Variants in POLR1A observed in about 807,000 individuals in gnomAD.
POLR1A encodes RNA polymerase I subunit A, also known as DNA-directed RNA polymerase I subunit RPA1.
A neutral mutation model predicts 205.3 loss-of-function variants in POLR1A; 84 were observed. That is an observed-to-expected ratio of 0.41 (90% CI 0.34 to 0.49). POLR1A has a LOEUF of 0.49. POLR1A is among the 20% of genes least tolerant of loss of function. The pLI, the probability that POLR1A is intolerant of heterozygous loss-of-function variation, is 0.22. For missense variants in POLR1A, 1,645 were observed against 2,204.5 expected (o/e 0.75, Z 5.08); for synonymous variants, 799 against 863.7 (o/e 0.93, Z 1.31).
chr2:86,083,000 GAAGT>G, intron 7 of POLR1A, 78 bp downstream of exon 7: 1 of 1,038,666 alleles, frequency 9.6e-7, no homozygotes, highest in East Asian at 2.4e-5. Flanking sequence ...CAACTTAAAA[GAAGT>G]AATAAGGCAG....
In POLR1A at chr2:86,031,436, T is replaced by C. The variant is rs34373712; in HGVS notation, c.4472A>G (p.Glu1491Gly). The change falls in exon 30 of 34, where the codon GAG becomes GGG. Residue 1491 changes from glutamate (E) to glycine (G), a missense_variant. Glu to Gly is a moderately conservative substitution (Grantham distance 98, BLOSUM62 -2). Coordinates refer to ENST00000263857, the MANE Select transcript of POLR1A (RefSeq NM_015425.6). ...CTCCATGGCCTCGGGCCCCTGGGGC[T>C]CCTGGCTGTGGGTGGGTTTCCGGGG... ...TQPRKPTHSQEPQGPEAMERR... is the reference protein window; with the variant it reads ...TQPRKPTHSQGPQGPEAMERR... 2,272 of 1,613,996 alleles carry C rather than the reference T, an allele frequency of 1.4e-3. 29 individuals carry two copies. The African/African-American group carries it at 0.027, about 19-fold the overall frequency.
chr2:86,046,294 CACAACAACA>C (rs145452699), intron 19 of POLR1A, among the ~76,000 whole-genome samples: 1 of 151,946 alleles, frequency 6.6e-6, no homozygotes, highest in Admixed American at 6.6e-5. Flanking sequence ...CAAAACAAAA[CACAACAACA>C]ACAACAACAA....
chr2:86,048,948 T>G lies in POLR1A; in HGVS notation c.2570A>C (p.Asp857Ala), dbSNP rs1344925511. Residue 857 changes from aspartate (D) to alanine (A), a missense_variant, in exon 18 of 34, where the codon GAT (aspartate) becomes GCT (alanine). Physicochemically the swap from Asp to Ala is moderately radical, Grantham distance 126. Transcript: ENST00000263857. The part of the protein sequence containing the change: ...QDAHLGKDQR[D>A]FNMIDLKFKE... ...GAACTTCAGATCAATCATGTTAAAATCCCTCTGGTCCTTGCCCAGATGGGC... is the reference window on the plus strand; with the variant it reads ...GAACTTCAGATCAATCATGTTAAAAGCCCTCTGGTCCTTGCCCAGATGGGC... 2 of 1,614,036 alleles carry G rather than the reference T, an allele frequency of 1.2e-6. No individual in the cohort carries two copies. Among genetic ancestry groups the G allele is most frequent in the South Asian group, 2.2e-5 (2 of 91,082 alleles).
In POLR1A at chr2:86,023,554, C is replaced by T. The variant is rs1459136301; in HGVS notation, c.*3869G>A. 2 of 152,136 alleles carry T rather than the reference C, an allele frequency of 1.3e-5. No homozygotes were observed. The highest frequency in any genetic ancestry group is 2.1e-4 in the South Asian group (1 of 4,818). 9.4% of individuals were successfully genotyped at this position (152,136 alleles called of 1,614,324 possible). ...CCAAACCACGAGATGGCACCTCATA[C>T]ACATTAGGGTGGCTACTATTAACAA... On this transcript the variant is annotated 3_prime_UTR_variant, in exon 34 of 34. Coordinates refer to ENST00000263857, the MANE Select transcript of POLR1A (RefSeq NM_015425.6).
At position 86,031,301 on chromosome 2, in the gene POLR1A, C is replaced by G. The variant is rs1672382087; in HGVS notation, c.4578+29G>C. 3 of 1,520,274 alleles carry G rather than the reference C, an allele frequency of 2.0e-6. No homozygotes were observed. The East Asian group carries it at 6.8e-5, about 35-fold the overall frequency. The allele number at this position is 1,520,274 out of a possible 1,614,324, so 94.2% of individuals were successfully genotyped here. ...GATTTGGCCAGCTGGACCAACCACC[C>G]AAGCCCTGGCCTGCACGGCCACACT... On this transcript the variant is annotated intron_variant, in intron 30 of 33. Transcript: ENST00000263857.
intron 1 of POLR1A, among the ~76,000 whole-genome samples, chr2:86,104,704 C>T (rs1291232483): frequency 6.6e-6 from 1 of 152,180 alleles, no homozygotes; most frequent in African/African-American, 2.4e-5. Flanking sequence ...GCCTCGGCCT[C>T]CCAAAGTGCT....
intron 15 of POLR1A, 114 bp downstream of exon 15, chr2:86,054,026 C>A: frequency 9.6e-7 from 1 of 1,044,716 alleles, no homozygotes; most frequent in Non-Finnish European, 1.4e-6. Context: ...GCCTTCTCTT[C>A]TGAGGCACAG....
At chr2:86,032,730 T>G (rs1672420207) in intron 28 of POLR1A, among the ~76,000 whole-genome samples, 1 of 152,226 alleles carries the variant, frequency 6.6e-6, no homozygotes, top group African/African-American at 2.4e-5. Context: ...TCAAACCCAG[T>G]TGCAGGTGGG....
At chr2:86,041,190 T>TGTGCACGCGCGC (rs1212728761) in intron 24 of POLR1A, among the ~76,000 whole-genome samples, 16 of 41,924 alleles carry the variant, frequency 3.8e-4, no homozygotes, top group African/African-American at 9.8e-4. Context: ...TGTGTGTGTG[T>TGTGCACGCGCGC]GCGCGCTGAG....
rs1341907814 is a variant in POLR1A, at chr2:86,065,670, G to A, written c.1867-205C>T. 3 of 565,472 alleles carry A rather than the reference G, an allele frequency of 5.3e-6. No individual in the cohort carries two copies. The South Asian group carries it at 6.8e-5, about 13-fold the overall frequency. The allele number at this position is 565,472 out of a possible 1,614,324, so 35.0% of individuals were successfully genotyped here. Reference sequence around the variant, plus strand: ...ACCAGGGTTTAGCACTGGCTTCTACGTTTGCCATTTGCCCACTATCCTATA... The same window carrying A: ...ACCAGGGTTTAGCACTGGCTTCTACATTTGCCATTTGCCCACTATCCTATA... On this transcript the variant is annotated intron_variant, in intron 13 of 33. Transcript: ENST00000263857.
intron 13 of POLR1A, among the ~76,000 whole-genome samples, chr2:86,067,377 A>G (rs1161580350): frequency 2.0e-5 from 3 of 152,230 alleles, no homozygotes; most frequent in Admixed American, 6.5e-5. Context: ...GTCAGGAAAC[A>G]TATCTGAAGC....
chr2:86,049,506 A>ATGGGTCGT (rs1672763991), intron 16 of POLR1A, among the ~76,000 whole-genome samples: 1 of 152,208 alleles, frequency 6.6e-6, no homozygotes. Flanking sequence ...TATGGGTAGA[A>ATGGGTCGT]AGTAAACCCA....
At chr2:86,043,413 T>G (rs1325460260) in intron 22 of POLR1A, among the ~76,000 whole-genome samples, 1 of 151,996 alleles carries the variant, frequency 6.6e-6, no homozygotes, top group African/African-American at 2.4e-5. Flanking sequence ...ACCAATGGTC[T>G]TGGGAGCAGA....
In POLR1A at chr2:86,039,367, T is replaced by C; in HGVS notation, c.3836A>G (p.Lys1279Arg). 5 of 1,614,098 alleles carry C rather than the reference T, an allele frequency of 3.1e-6. No homozygotes were observed. Among genetic ancestry groups the C allele is most frequent in the Non-Finnish European group, 4.2e-6 (5 of 1,180,006 alleles). Residue 1279 changes from lysine to arginine, a missense_variant, in exon 26 of 34, where the codon AAA (lysine) becomes AGA (arginine). Physicochemically the swap from Lys to Arg is conservative, Grantham distance 26. Coordinates refer to ENST00000263857, the MANE Select transcript of POLR1A (RefSeq NM_015425.6). ...CCTGGTGAGTTGCTTCTTCAGGCTT[T>C]TCACTCTCTTCAGGGCTTTCTTGGT... ...LNTKKALKRV[K>R]SLKKQLTRVC...
At chr2:86,054,068 G>A (rs1219834815) in intron 15 of POLR1A, 72 bp downstream of exon 15, 1 of 1,453,948 alleles carries the variant, frequency 6.9e-7, no homozygotes, top group Non-Finnish European at 9.6e-7. Context: ...CTCCATTTCT[G>A]TCTCCATTTT....
Position 86,031,632 on chromosome 2 carries a change from C to A in POLR1A, c.4276G>T (p.Asp1426Tyr). ...KRKEKQEEEV[D>Y]YESEEEEERE... ...TCCTCCTCTTCCTCACTCTCATAAT[C>A]AACCTGGCAGAAAAGGGAGCACAGG... The change falls in exon 30 of 34, where the codon GAT (aspartate) becomes TAT (tyrosine). Residue 1426 changes from aspartate to tyrosine, a missense_variant. By Grantham distance (160) the Asp-to-Tyr change is radical (BLOSUM62 -3). Transcript: ENST00000263857. 6.2e-7 allele frequency: 1 copy of A among 1,608,290 alleles called. No individual in the cohort carries two copies. The highest frequency in any genetic ancestry group is 8.5e-7 in the Non-Finnish European group (1 of 1,176,414).
At chr2:86,047,962 C>T (rs938232021) in intron 18 of POLR1A, among the ~76,000 whole-genome samples, 1 of 152,184 alleles carries the variant, frequency 6.6e-6, no homozygotes, top group East Asian at 1.9e-4. Context: ...AACTTCCCTA[C>T]TCCTAGCATC....
intron 1 of POLR1A, among the ~76,000 whole-genome samples, chr2:86,102,395 C>A (rs1428363324): frequency 1.3e-5 from 2 of 152,242 alleles, no homozygotes; most frequent in Non-Finnish European, 2.9e-5. Flanking sequence ...CATCTTTTCA[C>A]ATACTCACTG....
At chr2:86,105,192 G>A (rs1189830764) in intron 1 of POLR1A, among the ~76,000 whole-genome samples, 5 of 152,178 alleles carry the variant, frequency 3.3e-5, no homozygotes, top group African/African-American at 9.7e-5. Context: ...AGTTTCAAGA[G>A]AGTGCATTGG....
Sources: allele counts gnomAD v4.1 joint callset (sites outside exome capture counted in the v4.1 genomes callset), GRCh38; gene constraint gnomAD v4.1.1; transcripts MANE v1.5; gene names NCBI Gene and HGNC (gene_info 2026-07-23, HGNC 2026-07-21).